Variants in PPFIBP2 observed in about 807,000 individuals in gnomAD.
PPFIBP2 encodes liprin-beta-2.
Under a neutral mutation model 118.3 loss-of-function variants are expected in PPFIBP2, and 118 were observed. The observed-to-expected ratio is 1.00, with a 90% CI of 0.86 to 1.16. The LOEUF (loss-of-function observed/expected upper bound fraction) is 1.16. Ranked by LOEUF, PPFIBP2 falls within the 50% of genes most tolerant of loss-of-function variation. The pLI, the probability that PPFIBP2 is intolerant of heterozygous loss-of-function variation, is 0.00. For missense variants in PPFIBP2, 1,195 were observed against 1,073.1 expected, an observed-to-expected ratio of 1.11 and a Z score of -1.59; for synonymous variants, 414 against 397.4, an observed-to-expected ratio of 1.04 and a Z score of -0.50.
chr11:7,572,231 T>C (rs1162248460), intron 3 of PPFIBP2, among the ~76,000 whole-genome samples: 1 of 152,166 alleles, frequency 6.6e-6, no homozygotes, highest in African/African-American at 2.4e-5. Context: ...AGGCATTTCC[T>C]AGCCCACAGT....
At chr11:7,601,549 G>C (rs543260314) in intron 5 of PPFIBP2, among the ~76,000 whole-genome samples, 1 of 152,042 alleles carries the variant, frequency 6.6e-6, no homozygotes, top group African/African-American at 2.4e-5. Flanking sequence ...CCTTGTAGCT[G>C]TCTACATAGA....
At chr11:7,637,417 A>G (rs1565101849) in intron 14 of PPFIBP2, among the ~76,000 whole-genome samples, 1 of 152,092 alleles carries the variant, frequency 6.6e-6, no homozygotes, top group African/African-American at 2.4e-5. Flanking sequence ...CCCTGTGGAT[A>G]TGTTATTTCC....
In PPFIBP2 at chr11:7,653,581, C is replaced by G. The variant is rs1241631264; in HGVS notation, c.*363C>G. Reference sequence around the variant, plus strand: ...ACGAGGCTCAGCTCTCAGGCACCCCCTACACTTCAGTTGAGGGAAAAGCTC... The same window carrying G: ...ACGAGGCTCAGCTCTCAGGCACCCCGTACACTTCAGTTGAGGGAAAAGCTC... On this transcript the variant is annotated 3_prime_UTR_variant, in exon 24 of 24. Transcript: ENST00000299492. 1 of 1,305,222 alleles carries G rather than the reference C, an allele frequency of 7.7e-7. No homozygotes were observed. The highest frequency in any genetic ancestry group is 1.0e-6 in the Non-Finnish European group (1 of 999,880). 80.9% of individuals were successfully genotyped at this position (1,305,222 alleles called of 1,614,324 possible).
chr11:7,612,711 C>G (rs1485150981), intron 6 of PPFIBP2, among the ~76,000 whole-genome samples: 1 of 152,218 alleles, frequency 6.6e-6, no homozygotes, highest in African/African-American at 2.4e-5. Context: ...GTTGCTAGTA[C>G]AAATATTAGG....
In PPFIBP2 at chr11:7,610,384, G is replaced by A. The variant is rs918065563; in HGVS notation, c.580G>A (p.Glu194Lys). ...LKLKLVGMEK[E>K]QREQEEKQRK... ...GCTCAAGCTGGTTGGCATGGAGAAG[G>A]AGCAGAGAGAGCAGGAGGAGAAGCA... Residue 194 changes from glutamate (E) to lysine (K), a missense_variant, in exon 6 of 24, where the codon GAG becomes AAG. Glu to Lys is a moderately conservative substitution (Grantham distance 56). Coordinates refer to ENST00000299492, the MANE Select transcript of PPFIBP2 (RefSeq NM_003621.5). 4 of 1,614,140 alleles carry A rather than the reference G, an allele frequency of 2.5e-6. No individual in the cohort carries two copies. In the Admixed American group the frequency reaches 6.7e-5, roughly 27 times the overall value.
chr11:7,660,885 T>G (rs1218556234), downstream of PPFIBP2, among the ~76,000 whole-genome samples: 1 of 151,950 alleles, frequency 6.6e-6, no homozygotes, highest in Non-Finnish European at 1.5e-5. Context: ...GGAGAGTGTA[T>G]GTGTCGAGGA....
chr11:7,613,100 TC>T (rs1236731840), intron 6 of PPFIBP2, among the ~76,000 whole-genome samples: 4 of 152,260 alleles, frequency 2.6e-5, no homozygotes, highest in African/African-American at 7.2e-5. Flanking sequence ...CTTTTTTTTT[TC>T]CCCCTCAGGT....
chr11:7,600,582 C>G (rs1565034127), intron 5 of PPFIBP2, among the ~76,000 whole-genome samples: 1 of 152,202 alleles, frequency 6.6e-6, no homozygotes, highest in Non-Finnish European at 1.5e-5. Context: ...CTGCCAGCCT[C>G]AGAAACCATT....
the PPFIBP2 span, chr11:7,665,164 T>G: frequency 0.34 from 154,753 of 454,340 alleles, 29,789 homozygotes; most frequent in Non-Finnish European, 0.4. Context: ...TGGAGCTCTT[T>G]CCAGCCTCCA....
At chr11:7,531,878 C>T (rs1451325950) in intron 1 of PPFIBP2, among the ~76,000 whole-genome samples, 2 of 151,630 alleles carry the variant, frequency 1.3e-5, no homozygotes, top group Non-Finnish European at 2.9e-5. Context: ...CTGTGTTGCC[C>T]ATGCTGGAGC....
At chr11:7,558,460 C>A (rs1853896278) in intron 2 of PPFIBP2, among the ~76,000 whole-genome samples, 1 of 152,164 alleles carries the variant, frequency 6.6e-6, no homozygotes, top group Non-Finnish European at 1.5e-5. Flanking sequence ...CGAAAGCGAT[C>A]ATTAAAAGGC....
chr11:7,641,843 C>T (rs543414977), intron 16 of PPFIBP2: 1 of 565,146 alleles, frequency 1.8e-6, no homozygotes, highest in African/African-American at 1.9e-5. Flanking sequence ...GTCATGCATC[C>T]TAAGCACCCA....
At chr11:7,661,719 G>A (rs1158805276), downstream of PPFIBP2, among the ~76,000 whole-genome samples, 3 of 84,014 alleles carry the variant, frequency 3.6e-5, no homozygotes, top group East Asian at 2.3e-4. Context: ...ACTTTGTCTC[G>A]TTTATCTGTC....
At chr11:7,545,915 G>T (rs926104595) in intron 1 of PPFIBP2, among the ~76,000 whole-genome samples, 5 of 152,162 alleles carry the variant, frequency 3.3e-5, no homozygotes, top group African/African-American at 7.2e-5. Context: ...GGAGAGTGGG[G>T]CTGAAGCTTG....
intron 10 of PPFIBP2, among the ~76,000 whole-genome samples, chr11:7,630,335 G>T (rs1345621207): frequency 2.6e-5 from 4 of 152,134 alleles, no homozygotes; most frequent in Non-Finnish European, 5.9e-5. Flanking sequence ...TTTTTGAGAT[G>T]GAGTGTTACT....
At chr11:7,518,089 TGGC>T (rs532747004) in intron 1 of PPFIBP2, among the ~76,000 whole-genome samples, 6 of 152,240 alleles carry the variant, frequency 3.9e-5, no homozygotes, top group Non-Finnish European at 8.8e-5. Context: ...GGGCCCCTGA[TGGC>T]GGAGGCAGGC....
intron 7 of PPFIBP2, among the ~76,000 whole-genome samples, chr11:7,624,234 C>T (rs1170985173): frequency 6.6e-6 from 1 of 152,134 alleles, no homozygotes; most frequent in Non-Finnish European, 1.5e-5. Context: ...AGCAGGCAGG[C>T]CAGGGTTTGC....
At chr11:7,554,715 G>T (rs1046754070) in intron 2 of PPFIBP2, among the ~76,000 whole-genome samples, 1 of 152,058 alleles carries the variant, frequency 6.6e-6, no homozygotes, top group Admixed American at 6.5e-5. Flanking sequence ...GAAATGCCTT[G>T]TAAGCAGGAC....
chr11:7,562,133 G>C (rs76147657), intron 2 of PPFIBP2, among the ~76,000 whole-genome samples: 1,931 of 152,316 alleles, frequency 0.013, 67 homozygotes, highest in African/African-American at 0.044. Flanking sequence ...CTGACAGGAG[G>C]CGGAGCTCAG....
Sources: gnomAD v4.1 joint callset for allele counts (sites outside exome capture counted in the v4.1 genomes callset) on GRCh38, gnomAD v4.1.1 for gene constraint, MANE v1.5 for transcripts, NCBI Gene and HGNC (gene_info 2026-07-23, HGNC 2026-07-21) for gene names.